The following ST8SIA5 variants were observed in gnomAD, a reference collection of about 807,000 sequenced individuals.
ST8SIA5 encodes the protein ST8 alpha-N-acetyl-neuraminide alpha-2,8-sialyltransferase 5, also known as alpha-2,8-sialyltransferase 8E.
ST8SIA5 carries 24 observed loss-of-function variants against 40.2 expected under a neutral mutation model. The ratio of observed to expected loss-of-function variants is 0.60; its 90% CI spans 0.43 to 0.84. The LOEUF (loss-of-function observed/expected upper bound fraction) is 0.84, where lower values mean the gene tolerates loss of function less well. Ranked by LOEUF, ST8SIA5 falls within the 40% of genes least tolerant of loss-of-function variation. The pLI, the probability that ST8SIA5 is intolerant of heterozygous loss-of-function variation, is 0.00. For missense variants in ST8SIA5, 465 were observed against 498.5 expected, an observed-to-expected ratio of 0.93 and a Z score of 0.64; for synonymous variants, 198 against 201.8, an observed-to-expected ratio of 0.98 and a Z score of 0.16.
chr18:46,688,895 G>A lies in ST8SIA5; in HGVS notation c.336C>T (p.Asn112=), dbSNP rs34504902. ...GGGTGGTGAAGAGAAAGGCAGGGGCGTTGCAGCACCTGGACAGAGTAGACC... is the reference window on the plus strand; with the variant it reads ...GGGTGGTGAAGAGAAAGGCAGGGGCATTGCAGCACCTGGACAGAGTAGACC... The part of the protein sequence containing the change: ...QFKSTLSRCC[N]APAFLFTTQK... Residue 112 remains asparagine (N), a synonymous_variant, in exon 4 of 7, where the codon AAC becomes AAT. Coordinates refer to ENST00000315087, the MANE Select transcript of ST8SIA5 (RefSeq NM_013305.6). 4,063 of 1,613,720 alleles carry A rather than the reference G, an allele frequency of 2.5e-3. 73 individuals are homozygous for A. The African/African-American group carries it at 0.045, about 18-fold the overall frequency.
intron 1 of ST8SIA5, among the ~76,000 whole-genome samples, chr18:46,742,428 CA>C (rs371961982): frequency 2.7e-5 from 4 of 149,174 alleles, no homozygotes; most frequent in Admixed American, 1.3e-4. Context: ...CAATCAACAA[CA>C]AAAAAAAAAT....
In ST8SIA5 at chr18:46,726,015, G is replaced by GAT. The variant is rs530130795; in HGVS notation, c.132-21353_132-21352dup. Among the ~76,000 whole-genome samples the GAT allele has an allele frequency of 4.8e-4, 15 of 31,104 alleles. 1 individual carries two copies. In the East Asian group the frequency reaches 5.3e-3, roughly 11 times the overall value. 20.4% of individuals were successfully genotyped at this position (31,104 alleles called of 152,430 possible). ...TATATATATATATATATATATCCTG[G>GAT]ATATATATATATATCCTGGATATAT... On this transcript the variant is annotated intron_variant, in intron 1 of 6. Transcript: ENST00000315087.
At chr18:46,685,135 G>C (rs769236711) in intron 5 of ST8SIA5, among the ~76,000 whole-genome samples, 4 of 152,208 alleles carry the variant, frequency 2.6e-5, no homozygotes, top group African/African-American at 9.7e-5. Context: ...AGGAAACCAA[G>C]GCCCAGAAGG....
chr18:46,688,709 C>T (rs1690595541), intron 4 of ST8SIA5, 66 bp downstream of exon 4: 10 of 1,551,426 alleles, frequency 6.4e-6, no homozygotes, highest in Non-Finnish European at 8.7e-6. Context: ...AGGGACATTG[C>T]CACGGAGGGC....
Position 46,680,222 on chromosome 18 carries a change from G to T in ST8SIA5, c.951C>A (p.His317Gln). The stretch of plus-strand genomic sequence containing the variant: ...TGGGGAAGGCCCAGAAGCCAAAGAG[G>T]TGCACCTCCTCACAGAGCTCCAGCG... The part of the protein sequence containing the change: ...TAALELCEEV[H>Q]LFGFWAFPMN... The change falls in exon 7 of 7, where the codon CAC becomes CAA. Residue 317 changes from histidine (H) to glutamine (Q), a missense_variant. Physicochemically the swap from His to Gln is conservative, Grantham distance 24. Transcript: ENST00000315087. 1 of 1,614,232 alleles carries T rather than the reference G, an allele frequency of 6.2e-7. No individual in the cohort carries two copies. The highest frequency in any genetic ancestry group is 8.5e-7 in the Non-Finnish European group (1 of 1,180,032).
intron 1 of ST8SIA5, among the ~76,000 whole-genome samples, chr18:46,714,211 G>A (rs1599125743): frequency 6.6e-6 from 1 of 152,146 alleles, no homozygotes; most frequent in East Asian, 1.9e-4. Context: ...GGGATGCCGG[G>A]CTATAAATGG....
At chr18:46,732,509 A>G (rs1016932821) in intron 1 of ST8SIA5, among the ~76,000 whole-genome samples, 1 of 152,024 alleles carries the variant, frequency 6.6e-6, no homozygotes, top group Non-Finnish European at 1.5e-5. Flanking sequence ...CTATCCTCAC[A>G]CTGGCCCAGG....
intron 1 of ST8SIA5, among the ~76,000 whole-genome samples, chr18:46,737,686 T>C (rs1270588737): frequency 6.6e-6 from 1 of 152,328 alleles, no homozygotes; most frequent in African/African-American, 2.4e-5. Flanking sequence ...AATAGGACTA[T>C]GGAGAGGATT....
intron 1 of ST8SIA5, among the ~76,000 whole-genome samples, chr18:46,728,363 C>T (rs2039952628): frequency 6.6e-6 from 1 of 152,216 alleles, no homozygotes; most frequent in Admixed American, 6.5e-5. Flanking sequence ...GGAAGTGGCA[C>T]ATGCGTAGCT....
At chr18:46,704,776 A>G (rs894780833) in intron 1 of ST8SIA5, 112 bp from the exon 2 acceptor site, 2 of 879,012 alleles carry the variant, frequency 2.3e-6, no homozygotes, top group Non-Finnish European at 3.7e-6. Flanking sequence ...AATAAAGCCA[A>G]CCAGCCCCAT....
At chr18:46,733,552 C>T (rs370108820) in intron 1 of ST8SIA5, among the ~76,000 whole-genome samples, 2 of 151,064 alleles carry the variant, frequency 1.3e-5, no homozygotes, top group Admixed American at 1.3e-4. Context: ...AACTAACAGG[C>T]GACAAAATGC....
intron 4 of ST8SIA5, among the ~76,000 whole-genome samples, chr18:46,688,510 G>GCAATACC (rs1425705314): frequency 1.3e-5 from 2 of 152,198 alleles, no homozygotes; most frequent in African/African-American, 4.8e-5. Context: ...TGCAAGCAAT[G>GCAATACC]CAATACCCAG....
At position 46,688,847 on chromosome 18, in the gene ST8SIA5, T is replaced by C; in HGVS notation, c.384A>G (p.Thr128=). 6.2e-7 allele frequency: 1 copy of C among 1,614,104 alleles called. No homozygotes were observed. The highest frequency in any genetic ancestry group is 8.5e-7 in the Non-Finnish European group (1 of 1,180,014). ...FTTQKNTPLG[T]KLKYEVDTSG... is the part of the protein sequence containing the mutation. ...TGGTGTCCACCTCATACTTGAGCTT[T>C]GTCCCCAGGGGAGTGTTCTTCTGGG... The change falls in exon 4 of 7, where the codon ACA becomes ACG. Residue 128 remains threonine (T), a synonymous_variant. Coordinates refer to ENST00000315087, the MANE Select transcript of ST8SIA5 (RefSeq NM_013305.6).
chr18:46,700,105 G>A (rs1233257297), intron 2 of ST8SIA5, among the ~76,000 whole-genome samples: 1 of 152,230 alleles, frequency 6.6e-6, no homozygotes, highest in East Asian at 1.9e-4. Context: ...GATGACAGGT[G>A]TAAATAATTT....
intron 2 of ST8SIA5, 49 bp downstream of exon 2, chr18:46,704,522 TG>T: frequency 1.6e-6 from 1 of 622,018 alleles, no homozygotes. Flanking sequence ...CCCCAACCCC[TG>T]CCCCACCTCC....
At position 46,676,573 on chromosome 18, in the gene ST8SIA5, T is replaced by C. The variant is rs2144448118; in HGVS notation, c.*3469A>G. 1 of 152,396 alleles carries C rather than the reference T, an allele frequency of 6.6e-6. No homozygotes were observed. 9.4% of individuals were successfully genotyped at this position (152,396 alleles called of 1,614,324 possible). On this transcript the variant is annotated 3_prime_UTR_variant, in exon 7 of 7. Transcript: ENST00000315087. ...GCACCAGGTGATTAGTGGGCAGAGC[T>C]GCCGCAGCAGCATTGCTGAAATGGT...
chr18:46,707,291 A>G (rs917091681), intron 1 of ST8SIA5, among the ~76,000 whole-genome samples: 2 of 152,202 alleles, frequency 1.3e-5, no homozygotes, highest in Non-Finnish European at 2.9e-5. Context: ...TCCTAGAGTT[A>G]TTGGGGAATT....
chr18:46,691,917 A>G (rs1443822264), intron 3 of ST8SIA5: 3 of 513,340 alleles, frequency 5.8e-6, no homozygotes, highest in African/African-American at 3.9e-5. Flanking sequence ...TGGAGATGGC[A>G]CCACCAACCT....
intron 1 of ST8SIA5, among the ~76,000 whole-genome samples, chr18:46,714,317 C>T (rs1312597610): frequency 1.3e-5 from 2 of 152,154 alleles, no homozygotes; most frequent in Non-Finnish European, 2.9e-5. Flanking sequence ...TCCTTCCAGC[C>T]CGACTCCAAC....
Sources: allele counts gnomAD v4.1 joint callset (sites outside exome capture counted in the v4.1 genomes callset), GRCh38; gene constraint gnomAD v4.1.1; transcripts MANE v1.5; gene names NCBI Gene and HGNC (gene_info 2026-07-23, HGNC 2026-07-21).